Variants in PRELID2 observed in about 807,000 individuals in gnomAD.
PRELID2 encodes PRELI domain-containing protein 2.
Under a neutral mutation model 28.4 loss-of-function variants are expected in PRELID2, and 25 were observed. That is an observed-to-expected ratio of 0.88 (90% CI 0.64 to 1.23). The LOEUF (loss-of-function observed/expected upper bound fraction) is 1.23. Ranked by LOEUF, PRELID2 falls within the 50% of genes most tolerant of loss-of-function variation. The probability of loss-of-function intolerance (pLI) is 0.00; values close to 1 mark genes in which losing one functional copy is unlikely to be tolerated. For missense variants in PRELID2, 201 were observed against 214.4 expected, an observed-to-expected ratio of 0.94 and a Z score of 0.39; for synonymous variants, 76 against 71.6, an observed-to-expected ratio of 1.06 and a Z score of -0.31.
chr5:145,610,346 T>A (rs923110600), intron 1 of PRELID2, among the ~76,000 whole-genome samples: 1 of 152,202 alleles, frequency 6.6e-6, no homozygotes, highest in African/African-American at 2.4e-5. Context: ...TAGTGTTCAC[T>A]AGCCCCTTTG....
chr5:145,783,240 T>TG (rs1317139240), intron 5 of PRELID2, among the ~76,000 whole-genome samples: 2 of 152,250 alleles, frequency 1.3e-5, no homozygotes, highest in Non-Finnish European at 2.9e-5. Context: ...TAGCAAAGTC[T>TG]GTTACAACCA....
chr5:145,730,550 A>T (rs942898486), intron 1 of PRELID2, among the ~76,000 whole-genome samples: 9 of 152,224 alleles, frequency 5.9e-5, no homozygotes, highest in Non-Finnish European at 1.2e-4. Flanking sequence ...GAAGAAGTAC[A>T]AAAGCAAGTT....
intron 1 of PRELID2, among the ~76,000 whole-genome samples, chr5:145,551,405 T>G (rs9686318): frequency 0.018 from 1,047 of 57,538 alleles, 5 homozygotes; most frequent in East Asian, 0.072. Context: ...AGTCTCTAAA[T>G]AAATAAATAA....
At chr5:145,693,077 T>C (rs1755182840) in intron 1 of PRELID2, among the ~76,000 whole-genome samples, 1 of 152,180 alleles carries the variant, frequency 6.6e-6, no homozygotes, top group Non-Finnish European at 1.5e-5. Flanking sequence ...CTTTTAAAAA[T>C]TGTTCCTCAT....
rs1005789745 is a variant in PRELID2, at chr5:145,513,753, G to A, written n.71-40438C>T. Among the ~76,000 whole-genome samples, 39 of 152,090 alleles carry A rather than the reference G, an allele frequency of 2.6e-4. 1 individual carries two copies. Among genetic ancestry groups the A allele is most frequent in the South Asian group, 4.1e-4 (2 of 4,824 alleles). On this transcript the variant is annotated intron_variant and non_coding_transcript_variant, in intron 1 of 2. Transcript: ENST00000510259. ...TTAAGGACAGTCCCAGAGGAATGTC[G>A]GGTTACTCACAAAGGGAAGCTCATC...
intron 5 of PRELID2, among the ~76,000 whole-genome samples, chr5:145,767,507 C>T (rs1757837568): frequency 6.6e-6 from 1 of 152,074 alleles, no homozygotes; most frequent in Admixed American, 6.5e-5. Flanking sequence ...ACACTTAAGC[C>T]ATCTATGAAT....
At chr5:145,747,033 G>C (rs953349303) in intron 1 of PRELID2, among the ~76,000 whole-genome samples, 8 of 152,136 alleles carry the variant, frequency 5.3e-5, no homozygotes, top group Non-Finnish European at 1.2e-4. Flanking sequence ...AGCTAACACA[G>C]TGTTAAGAGG....
the PRELID2 span, among the ~76,000 whole-genome samples, chr5:145,244,082 T>G: frequency 1.3e-5 from 2 of 152,010 alleles, no homozygotes; most frequent in Non-Finnish European, 2.9e-5. Flanking sequence ...GGCTTTCGAG[T>G]AGCTGGGACT....
the PRELID2 span, among the ~76,000 whole-genome samples, chr5:145,465,295 G>A: frequency 6.6e-6 from 1 of 152,142 alleles, no homozygotes; most frequent in African/African-American, 2.4e-5. Context: ...CCAGACTAGA[G>A]ACAAATTTTT....
chr5:145,513,057 C>T (rs1322641435), intron 1 of PRELID2, among the ~76,000 whole-genome samples: 2 of 152,004 alleles, frequency 1.3e-5, no homozygotes, highest in East Asian at 3.9e-4. Context: ...GCCAAAAGTT[C>T]CAAAAACCAG....
intron 1 of PRELID2, among the ~76,000 whole-genome samples, chr5:145,828,282 T>G (rs898987316): frequency 2.0e-5 from 3 of 152,190 alleles, no homozygotes; most frequent in African/African-American, 7.2e-5. Flanking sequence ...ACTGTGCAAG[T>G]AGAAAATAAA....
intron 5 of PRELID2, among the ~76,000 whole-genome samples, chr5:145,779,949 TAAC>T (rs750619371): frequency 1.3e-5 from 2 of 152,196 alleles, no homozygotes; most frequent in African/African-American, 2.4e-5. Context: ...GTAATGTTAA[TAAC>T]AACAACTAGC....
At chr5:145,307,203 G>A in the PRELID2 span, among the ~76,000 whole-genome samples, 1 of 152,140 alleles carries the variant, frequency 6.6e-6, no homozygotes, top group Non-Finnish European at 1.5e-5. Context: ...GTGAACAGCC[G>A]TAGTTTAATA....
At chr5:145,796,232 T>G (rs1752736713) in intron 5 of PRELID2, 3 of 378,072 alleles carry the variant, frequency 7.9e-6, no homozygotes, top group Admixed American at 8.6e-5. Context: ...CATTGGCATA[T>G]TTTTAATTTA....
the PRELID2 span, among the ~76,000 whole-genome samples, chr5:145,387,300 C>T: frequency 7.0e-6 from 1 of 142,980 alleles, no homozygotes; most frequent in Non-Finnish European, 1.6e-5. Flanking sequence ...GTAGGGTATT[C>T]AAGGAGCAAA....
chr5:145,496,205 T>C (rs1752308360), intron 1 of PRELID2, among the ~76,000 whole-genome samples: 1 of 152,066 alleles, frequency 6.6e-6, no homozygotes. Context: ...ATAAGGACAA[T>C]ATACAAATTT....
the PRELID2 span, among the ~76,000 whole-genome samples, chr5:145,277,970 C>T: frequency 2.0e-5 from 3 of 152,132 alleles, no homozygotes; most frequent in Non-Finnish European, 2.9e-5. Flanking sequence ...AGTCTGCTTC[C>T]GGGAAACCCA....
At chr5:145,434,041 C>G in the PRELID2 span, among the ~76,000 whole-genome samples, 1 of 152,168 alleles carries the variant, frequency 6.6e-6, no homozygotes, top group Non-Finnish European at 1.5e-5. Context: ...ACAAAATGGA[C>G]ATGGCTGTAG....
At chr5:145,245,991 C>T in the PRELID2 span, among the ~76,000 whole-genome samples, 1 of 151,976 alleles carries the variant, frequency 6.6e-6, no homozygotes, top group South Asian at 2.1e-4. Context: ...GGTCAGGAAA[C>T]TCCCAAATTG....
Sources: allele counts gnomAD v4.1 joint callset (sites outside exome capture counted in the v4.1 genomes callset), GRCh38; gene constraint gnomAD v4.1.1; transcripts MANE v1.5; gene names NCBI Gene and HGNC (gene_info 2026-07-23, HGNC 2026-07-21).